KAT6B: variants seen among roughly 807,000 people sequenced by gnomAD.
The protein encoded by KAT6B is histone acetyltransferase KAT6B.
In KAT6B, 10 loss-of-function variants were observed where a neutral mutation model predicts 187.5. The ratio of observed to expected loss-of-function variants is 0.05; its 90% CI spans 0.03 to 0.09. The LOEUF (loss-of-function observed/expected upper bound fraction) is 0.09, where lower values mean the gene tolerates loss of function less well. Among genes scored for constraint, KAT6B ranks in the 10% least tolerant of loss-of-function variants. The probability of loss-of-function intolerance (pLI) is 1.00; values close to 1 mark genes in which losing one functional copy is unlikely to be tolerated. For synonymous variants in KAT6B, 861 were observed against 926.8 expected (o/e 0.93, Z 1.29); for missense variants, 1,952 against 2,558.9 (o/e 0.76, Z 5.12).
Position 75,021,929 on chromosome 10 carries a change from G to A in KAT6B, c.3070G>A (p.Glu1024Lys). The A allele has an allele frequency of 6.2e-7, 1 of 1,614,166 alleles. No individual in the cohort carries two copies. Among genetic ancestry groups the A allele is most frequent in the Non-Finnish European group, 8.5e-7 (1 of 1,180,030 alleles). The change falls in exon 16 of 18, where the codon GAA (glutamate) becomes AAA (lysine). Residue 1024 changes from glutamate (E) to lysine (K), a missense_variant. Coordinates refer to ENST00000287239, the MANE Select transcript of KAT6B (RefSeq NM_012330.4). ...QASCWEKEEQ[E>K]ILSTRANSRQ... The stretch of plus-strand genomic sequence containing the variant: ...TAGCTGCTGGGAGAAGGAGGAACAA[G>A]AAATCCTGTCAACTAGAGCTAACAG...
At chr10:74,842,061 G>C (rs1841780239) in intron 2 of KAT6B, among the ~76,000 whole-genome samples, 1 of 152,108 alleles carries the variant, frequency 6.6e-6, no homozygotes, top group Non-Finnish European at 1.5e-5. Flanking sequence ...TGGGTTAGAG[G>C]GTATCATAGA....
At chr10:74,967,229 C>T (rs1841539703) in intron 4 of KAT6B, among the ~76,000 whole-genome samples, 1 of 151,400 alleles carries the variant, frequency 6.6e-6, no homozygotes, top group Non-Finnish European at 1.5e-5. Flanking sequence ...ACTAAGGAGG[C>T]TGAGGCGGGA....
chr10:74,855,171 G>C (rs181394985), intron 3 of KAT6B, among the ~76,000 whole-genome samples: 1 of 152,184 alleles, frequency 6.6e-6, no homozygotes, highest in African/African-American at 2.4e-5. Context: ...AATTTCTTCC[G>C]TCTTCTTTGA....
intron 3 of KAT6B, among the ~76,000 whole-genome samples, chr10:74,845,988 C>T (rs1842074526): frequency 6.6e-6 from 1 of 151,686 alleles, no homozygotes; most frequent in African/African-American, 2.4e-5. Context: ...CTCAGCCACC[C>T]GAGCAGCTGG....
chr10:74,962,876 A>T (rs1468504566), intron 4 of KAT6B, among the ~76,000 whole-genome samples: 2 of 152,012 alleles, frequency 1.3e-5, no homozygotes, highest in African/African-American at 2.4e-5. Flanking sequence ...AAAAAAAAAA[A>T]TCATTCAAGT....
intron 6 of KAT6B, among the ~76,000 whole-genome samples, chr10:74,970,738 G>GAT (rs1292215743): frequency 6.6e-6 from 1 of 151,948 alleles, no homozygotes; most frequent in Non-Finnish European, 1.5e-5. Context: ...AAAAAGTACA[G>GAT]ATAGACAAAA....
chr10:74,918,405 T>C (rs968931262), intron 3 of KAT6B, among the ~76,000 whole-genome samples: 1 of 152,170 alleles, frequency 6.6e-6, no homozygotes, highest in African/African-American at 2.4e-5. Context: ...GCTCAGCAGA[T>C]TTTTAAAAAA....
At chr10:74,957,392 C>T (rs1308181129) in intron 3 of KAT6B, among the ~76,000 whole-genome samples, 6 of 152,132 alleles carry the variant, frequency 3.9e-5, no homozygotes, top group Non-Finnish European at 7.3e-5. Context: ...TTGAATGTAG[C>T]GTGAAGTGAT....
At chr10:75,020,854 C>T (rs1341722288) in intron 14 of KAT6B, 41 bp downstream of exon 14, 1 of 1,535,414 alleles carries the variant, frequency 6.5e-7, no homozygotes, top group Non-Finnish European at 9.0e-7. Context: ...GCTCAGGCAT[C>T]CCACACCAGA....
intron 3 of KAT6B, among the ~76,000 whole-genome samples, chr10:74,935,405 CAG>C (rs1322498651): frequency 7.4e-5 from 11 of 148,876 alleles, no homozygotes; most frequent in East Asian, 5.9e-4. Flanking sequence ...TTTTTTGAGA[CAG>C]AGTCTCGCTA....
chr10:74,874,105 T>C (rs1401959432), intron 3 of KAT6B, among the ~76,000 whole-genome samples: 2 of 152,200 alleles, frequency 1.3e-5, no homozygotes, highest in Admixed American at 6.5e-5. Context: ...GAAACTTCTA[T>C]TTTAGTTTAA....
chr10:74,985,326 T>G (rs1842741806), intron 12 of KAT6B, 85 bp downstream of exon 12: 1 of 1,270,186 alleles, frequency 7.9e-7, no homozygotes, highest in East Asian at 2.3e-5. Context: ...GCTTTTTCAT[T>G]ACTATAATTT....
intron 3 of KAT6B, among the ~76,000 whole-genome samples, chr10:74,925,407 C>T (rs1848425530): frequency 6.8e-6 from 1 of 146,230 alleles, no homozygotes; most frequent in Non-Finnish European, 1.5e-5. Context: ...CCCACCCCCA[C>T]CCCCCTTTTT....
Position 74,946,411 on chromosome 10 carries a change from A to C in KAT6B, c.622-13559A>C, listed in dbSNP as rs775227708. On this transcript the variant is annotated intron_variant, in intron 3 of 17. Coordinates refer to ENST00000287239, the MANE Select transcript of KAT6B (RefSeq NM_012330.4). ...CACTCCTAGGTATTTAATCAAGAGA[A>C]ATGAAAGCACATATTCTAAAAAATA... Among the ~76,000 whole-genome samples, 3 of 152,212 alleles carry C rather than the reference A, an allele frequency of 2.0e-5. 1 individual carries two copies. The highest frequency in any genetic ancestry group is 7.2e-5 in the African/African-American group (3 of 41,468).
At chr10:75,006,795 G>A (rs1359611128) in intron 13 of KAT6B, among the ~76,000 whole-genome samples, 5 of 152,024 alleles carry the variant, frequency 3.3e-5, no homozygotes, top group Admixed American at 6.5e-5. Flanking sequence ...TAAAATGTAC[G>A]GTGGCTCACA....
At chr10:74,988,845 G>A (rs920531275) in intron 12 of KAT6B, among the ~76,000 whole-genome samples, 174 bp from the exon 13 acceptor site, 1 of 152,190 alleles carries the variant, frequency 6.6e-6, no homozygotes, top group Non-Finnish European at 1.5e-5. Flanking sequence ...AGAGTCGATG[G>A]TTTGTTGTTA....
chr10:75,021,241 T>G lies in KAT6B; in HGVS notation c.2977T>G (p.Ser993Ala), dbSNP rs950261985. Residue 993 changes from serine (S) to alanine (A), a missense_variant, in exon 15 of 18, where the codon TCT becomes GCT. Ser to Ala is a moderately conservative substitution (Grantham distance 99). This residue lies in a region of KAT6B where 758 missense variants were observed against 891.4 expected (regional missense o/e 0.85). Transcript: ENST00000287239. ...TCTGAGGTGGACCCCAATTTTAATT[T>G]CTAATGCTGCAGTGTCTGAAGAAGA... ...DSLRWTPILI[S>A]NAAVSEEERE... is the part of the protein sequence containing the mutation. The G allele has an allele frequency of 6.2e-7, 1 of 1,614,218 alleles. No homozygotes were observed. Among genetic ancestry groups the G allele is most frequent in the Non-Finnish European group, 8.5e-7 (1 of 1,180,030 alleles).
chr10:74,988,073 A>G (rs1842927241), intron 12 of KAT6B, among the ~76,000 whole-genome samples: 2 of 152,160 alleles, frequency 1.3e-5, no homozygotes, highest in South Asian at 2.1e-4. Context: ...TTTTTCCACA[A>G]CCATCTCCTG....
chr10:74,945,985 C>A (rs1016607492), intron 3 of KAT6B, among the ~76,000 whole-genome samples: 1 of 152,166 alleles, frequency 6.6e-6, no homozygotes, highest in African/African-American at 2.4e-5. Flanking sequence ...TCCTCCTCCT[C>A]TATTTTCTGA....
Sources: allele counts gnomAD v4.1 joint callset (sites outside exome capture counted in the v4.1 genomes callset), GRCh38; gene constraint gnomAD v4.1.1; regional missense constraint gnomAD v4.1.1; transcripts MANE v1.5; gene names NCBI Gene and HGNC (gene_info 2026-07-23, HGNC 2026-07-21).